KLF8: variants seen among roughly 807,000 people sequenced by gnomAD.
The protein encoded by KLF8 is KLF transcription factor 8.
In KLF8, 10 loss-of-function variants were observed where a neutral mutation model predicts 18.2. The ratio of observed to expected loss-of-function variants is 0.55; its 90% CI spans 0.34 to 0.93. KLF8 has a LOEUF of 0.93. Among genes scored for constraint, KLF8 ranks in the 40% least tolerant of loss-of-function variants. The pLI is 0.02. For synonymous variants in KLF8, 109 were observed against 97.3 expected (o/e 1.12, Z -0.71); for missense variants, 264 against 277.9 (o/e 0.95, Z 0.36).
chrX:56,255,761 T>A (rs996197711), intron 2 of KLF8, among the ~76,000 whole-genome samples: 6 of 112,158 alleles, frequency 5.3e-5, no homozygotes, highest in Admixed American at 1.9e-4. Context: ...GAAGGATCTT[T>A]CTAATATATT....
chrX:56,005,236 C>A, the KLF8 span, among the ~76,000 whole-genome samples: 8 of 110,328 alleles, frequency 7.3e-5, 1 homozygote, highest in South Asian at 2.0e-3. Flanking sequence ...TGTTCTCTAG[C>A]CCCTCAAGAT....
the KLF8 span, among the ~76,000 whole-genome samples, chrX:55,966,947 A>T: frequency 4.5e-5 from 5 of 112,121 alleles, no homozygotes; most frequent in African/African-American, 1.3e-4. Flanking sequence ...AACAATCAAG[A>T]AAAAAATTAG....
the KLF8 span, among the ~76,000 whole-genome samples, chrX:55,978,708 TA>T: frequency 1.8e-5 from 2 of 111,696 alleles, no homozygotes; most frequent in Non-Finnish European, 3.8e-5. Flanking sequence ...TTTTTATTAT[TA>T]AAAAACTCAT....
the KLF8 span, among the ~76,000 whole-genome samples, chrX:56,160,848 G>T: frequency 3.6e-5 from 4 of 111,214 alleles, no homozygotes; most frequent in Non-Finnish European, 7.5e-5. Context: ...TATCCAATTT[G>T]CCAGTCTGTG....
the KLF8 span, among the ~76,000 whole-genome samples, chrX:55,942,112 C>G: frequency 1.8e-5 from 2 of 111,357 alleles, no homozygotes; most frequent in Admixed American, 9.6e-5. Context: ...GACTTGGAAC[C>G]AAGCCAAATG....
At chrX:56,072,140 C>T in the KLF8 span, among the ~76,000 whole-genome samples, 6 of 111,300 alleles carry the variant, frequency 5.4e-5, 1 homozygote, top group Non-Finnish European at 1.1e-4. Context: ...AAAGGACAGT[C>T]GAGATTTTGA....
chrX:56,094,933 A>G, the KLF8 span, among the ~76,000 whole-genome samples: 1 of 111,415 alleles, frequency 9.0e-6, no homozygotes. Context: ...ATGCTGCCCA[A>G]AGAAATCTAC....
intron 4 of KLF8, 90 bp from the exon 5 acceptor site, chrX:56,270,092 G>A (rs750132813): frequency 1.7e-5 from 15 of 885,887 alleles, no homozygotes; most frequent in Middle Eastern, 5.7e-4. Context: ...ATTAAAAGCC[G>A]ATATGATGTG....
chrX:56,190,037 A>C, the KLF8 span, among the ~76,000 whole-genome samples: 1 of 110,445 alleles, frequency 9.1e-6, no homozygotes, highest in African/African-American at 3.3e-5. Context: ...AAAATTAAAA[A>C]AATAAAAAAA....
At chrX:56,226,026 A>T in the KLF8 span, among the ~76,000 whole-genome samples, 1 of 112,315 alleles carries the variant, frequency 8.9e-6, no homozygotes, top group African/African-American at 3.2e-5. Flanking sequence ...GAAATATGTC[A>T]GAGTGCTGTA....
At chrX:55,937,863 A>G in the KLF8 span, among the ~76,000 whole-genome samples, 2 of 111,894 alleles carry the variant, frequency 1.8e-5, no homozygotes, top group Non-Finnish European at 3.8e-5. Context: ...TCCAACAAAT[A>G]TGGGACTATG....
intron 1 of KLF8, chrX:56,243,126 TG>T (rs2066569788): frequency 7.7e-6 from 4 of 522,812 alleles, no homozygotes; most frequent in Non-Finnish European, 1.0e-5. Context: ...ACAAGTGTGC[TG>T]TTGTCTCCTA....
chrX:56,175,324 A>G, the KLF8 span, among the ~76,000 whole-genome samples: 2 of 112,004 alleles, frequency 1.8e-5, no homozygotes, highest in African/African-American at 6.5e-5. Context: ...TTCAAAGAAC[A>G]TCTTTATTTC....
chrX:55,915,756 A>G, the KLF8 span, among the ~76,000 whole-genome samples: 5 of 111,851 alleles, frequency 4.5e-5, no homozygotes, highest in Admixed American at 1.9e-4. Context: ...TCCCCTTTAT[A>G]CATGTTATTT....
At chrX:56,112,590 A>G in the KLF8 span, among the ~76,000 whole-genome samples, 2 of 111,329 alleles carry the variant, frequency 1.8e-5, no homozygotes, top group Admixed American at 9.5e-5. Flanking sequence ...CATAATGCAC[A>G]TGTTGGTATG....
chrX:56,127,434 G>A, the KLF8 span, among the ~76,000 whole-genome samples: 2 of 111,103 alleles, frequency 1.8e-5, no homozygotes, highest in African/African-American at 3.3e-5. Context: ...TTTGAGGTGG[G>A]AGGATTCCTT....
At chrX:56,273,216 G>T (rs1464168980) in intron 5 of KLF8, among the ~76,000 whole-genome samples, 1 of 111,259 alleles carries the variant, frequency 9.0e-6, no homozygotes, top group Non-Finnish European at 1.9e-5. Flanking sequence ...ATATATTTAT[G>T]AGTTACATGA....
chrX:56,208,070 T>C, the KLF8 span, among the ~76,000 whole-genome samples: 1 of 110,908 alleles, frequency 9.0e-6, no homozygotes, highest in African/African-American at 3.3e-5. Context: ...ACAAGAACAG[T>C]ATGGGGGAAA....
chrX:55,943,551 A>G, the KLF8 span, among the ~76,000 whole-genome samples: 486 of 111,607 alleles, frequency 4.4e-3, 5 homozygotes, highest in African/African-American at 0.015. Context: ...TATCCTTGGT[A>G]AAATAATTAG....
Sources: gnomAD v4.1 joint callset for allele counts (sites outside exome capture counted in the v4.1 genomes callset) on GRCh38, gnomAD v4.1.1 for gene constraint, MANE v1.5 for transcripts, NCBI Gene and HGNC (gene_info 2026-07-23, HGNC 2026-07-21) for gene names.